Variants in CNTNAP2 observed in about 807,000 individuals in gnomAD.
CNTNAP2 encodes contactin associated protein 2.
CNTNAP2 carries 98 observed loss-of-function variants against 155.2 expected under a neutral mutation model. The ratio of observed to expected loss-of-function variants is 0.63; its 90% CI spans 0.54 to 0.75. CNTNAP2 has a LOEUF of 0.75. CNTNAP2 is among the 30% of genes least tolerant of loss of function. The pLI is 0.00. For missense variants in CNTNAP2, 1,727 were observed against 1,688.1 expected (o/e 1.02, Z -0.40); for synonymous variants, 651 against 631.2 (o/e 1.03, Z -0.47).
intron 8 of CNTNAP2, among the ~76,000 whole-genome samples, chr7:147,189,776 A>G (rs188199073): frequency 0.011 from 1,733 of 151,984 alleles, 16 homozygotes; most frequent in Non-Finnish European, 0.016. Flanking sequence ...ACGGAGTCTC[A>G]CTCTGTCGCC....
At chr7:146,929,464 G>C (rs1796695333) in intron 3 of CNTNAP2, among the ~76,000 whole-genome samples, 1 of 152,090 alleles carries the variant, frequency 6.6e-6, no homozygotes, top group Non-Finnish European at 1.5e-5. Flanking sequence ...AAGACCAAAA[G>C]TAGATAAAAC....
chr7:146,538,387 G>C (rs1049098369), intron 1 of CNTNAP2, among the ~76,000 whole-genome samples: 1 of 152,082 alleles, frequency 6.6e-6, no homozygotes, highest in South Asian at 2.1e-4. Context: ...TGCTTGACTT[G>C]TGCTCATGTT....
At chr7:146,162,315 A>C (rs570068906) in intron 1 of CNTNAP2, among the ~76,000 whole-genome samples, 14 of 152,276 alleles carry the variant, frequency 9.2e-5, no homozygotes, top group East Asian at 7.7e-4. Context: ...TACAAGAAAA[A>C]ATCAAACAAC....
At chr7:146,238,375 T>G (rs1251091538) in intron 1 of CNTNAP2, among the ~76,000 whole-genome samples, 1 of 152,174 alleles carries the variant, frequency 6.6e-6, no homozygotes, top group African/African-American at 2.4e-5. Context: ...ATACCTGTTC[T>G]AATTTGGCAT....
rs56768185 is a variant in CNTNAP2 at position 147,225,742 on chromosome 7, AGAAGGAAGGAAGGAAGGAAGGAAGGAAG to A, written c.1349-74367_1349-74340del. ...CCAAGTACTTTAAGTTAGGAAGGAA[AGAAGGAAGGAAGGAAGGAAGGAAGGAAG>A]GAAGGAAGGAAGGAAGGAAGGAAGG... is the stretch of plus-strand genomic sequence containing the variant. On this transcript the variant is annotated intron_variant, in intron 8 of 23. Coordinates refer to ENST00000361727, the MANE Select transcript of CNTNAP2 (RefSeq NM_014141.6). 6.8e-3 allele frequency among the ~76,000 whole-genome samples: 709 copies of A among 103,872 alleles called. 8 individuals carry two copies. The highest frequency in any genetic ancestry group is 0.023 in the African/African-American group (638 of 28,314). The allele number at this position is 103,872 out of a possible 152,430, so 68.1% of individuals were successfully genotyped here. A position where few individuals can be genotyped will look rare whatever the true frequency, so the allele number is the denominator to read the frequency against.
chr7:147,347,764 T>C (rs1049167366), intron 9 of CNTNAP2, among the ~76,000 whole-genome samples: 2 of 152,036 alleles, frequency 1.3e-5, no homozygotes, highest in South Asian at 2.1e-4. Flanking sequence ...GGCTTTGCGT[T>C]ACCTGACCTC....
chr7:147,977,713 G>T, intron 14 of CNTNAP2, 149 bp from the exon 15 acceptor site: 1 of 1,104,340 alleles, frequency 9.1e-7, no homozygotes, highest in African/African-American at 1.6e-5. Context: ...CTATGGAAGA[G>T]AGAGAACAAC....
Position 147,624,544 on chromosome 7 carries a change from A to T in CNTNAP2, c.1898-14562A>T, listed in dbSNP as rs147907518. On this transcript the variant is annotated intron_variant, in intron 12 of 23. Coordinates refer to ENST00000361727, the MANE Select transcript of CNTNAP2 (RefSeq NM_014141.6). ...CATTGATCATCAGAAAATGCAAATCAAAACAACAATGAAATATCATCTCAC... is the reference window on the plus strand; with the variant it reads ...CATTGATCATCAGAAAATGCAAATCTAAACAACAATGAAATATCATCTCAC... Among the ~76,000 whole-genome samples, 7 of 152,352 alleles carry T rather than the reference A, an allele frequency of 4.6e-5. No homozygotes were observed. The East Asian group carries it at 1.3e-3, about 29-fold the overall frequency.
rs117479623 is a variant in CNTNAP2 at position 146,181,187 on chromosome 7, C to T, written c.97+64214C>T. Reference sequence around the variant, plus strand: ...AACATGATGACTATACCCAACTTTGCCAACATACCCATGATATGCATGATT... The same window carrying T: ...AACATGATGACTATACCCAACTTTGTCAACATACCCATGATATGCATGATT... On this transcript the variant is annotated intron_variant, in intron 1 of 23. Coordinates refer to ENST00000361727, the MANE Select transcript of CNTNAP2 (RefSeq NM_014141.6). 3.5e-3 allele frequency among the ~76,000 whole-genome samples: 526 copies of T among 152,210 alleles called. 3 individuals are homozygous for T. Among genetic ancestry groups the T allele is most frequent in the Middle Eastern group, 0.027 (8 of 292 alleles).
chr7:147,353,651 G>T (rs1214733771), intron 9 of CNTNAP2, among the ~76,000 whole-genome samples: 1 of 152,004 alleles, frequency 6.6e-6, no homozygotes, highest in Non-Finnish European at 1.5e-5. Flanking sequence ...TAATCCTTTG[G>T]GTATATACCC....
intron 8 of CNTNAP2, among the ~76,000 whole-genome samples, chr7:147,171,143 G>T (rs562511558): frequency 3.3e-4 from 50 of 152,262 alleles, no homozygotes; most frequent in Non-Finnish European, 5.7e-4. Flanking sequence ...AAGTCTGCAT[G>T]AGCGTGGGCT....
At chr7:146,151,337 T>G (rs1798034354) in intron 1 of CNTNAP2, among the ~76,000 whole-genome samples, 1 of 151,976 alleles carries the variant, frequency 6.6e-6, no homozygotes, top group Non-Finnish European at 1.5e-5. Context: ...GTACTCGTAC[T>G]TATTCTTCCT....
At chr7:147,039,292 T>G (rs2129253405) in intron 3 of CNTNAP2, among the ~76,000 whole-genome samples, 1 of 152,278 alleles carries the variant, frequency 6.6e-6, no homozygotes, top group East Asian at 1.9e-4. Flanking sequence ...GGGTTTGTTG[T>G]ACAGATTATT....
At chr7:147,881,112 T>C (rs1380449230) in intron 13 of CNTNAP2, among the ~76,000 whole-genome samples, 5 of 152,202 alleles carry the variant, frequency 3.3e-5, no homozygotes, top group African/African-American at 1.2e-4. Flanking sequence ...TCTGATATCC[T>C]GTATTTTTCC....
At chr7:146,821,435 G>C (rs1467096127) in intron 2 of CNTNAP2, among the ~76,000 whole-genome samples, 2 of 152,018 alleles carry the variant, frequency 1.3e-5, no homozygotes, top group South Asian at 4.2e-4. Context: ...GCTTAGTTTG[G>C]CTGGATATGA....
At chr7:146,678,741 C>T (rs1800448195) in intron 1 of CNTNAP2, among the ~76,000 whole-genome samples, 2 of 152,104 alleles carry the variant, frequency 1.3e-5, no homozygotes, top group Admixed American at 1.3e-4. Flanking sequence ...TTAACAATCT[C>T]TCAATTTTCT....
chr7:148,302,137 C>A (rs1289997658), intron 21 of CNTNAP2, among the ~76,000 whole-genome samples: 1 of 152,186 alleles, frequency 6.6e-6, no homozygotes, highest in Non-Finnish European at 1.5e-5. Flanking sequence ...CGAACCTGCC[C>A]TTGTGAAGGC....
chr7:146,321,489 C>A (rs556004497), intron 1 of CNTNAP2, among the ~76,000 whole-genome samples: 1 of 152,202 alleles, frequency 6.6e-6, no homozygotes, highest in South Asian at 2.1e-4. Context: ...GCACCTTCCT[C>A]CACACTGAGA....
intron 8 of CNTNAP2, among the ~76,000 whole-genome samples, chr7:147,214,930 A>G (rs1803233196): frequency 6.6e-6 from 1 of 152,152 alleles, no homozygotes; most frequent in Admixed American, 6.5e-5. Context: ...GGAATCAAGC[A>G]CCTTCCTCAC....
Sources: gnomAD v4.1 joint callset for allele counts (sites outside exome capture counted in the v4.1 genomes callset) on GRCh38, gnomAD v4.1.1 for gene constraint, MANE v1.5 for transcripts, NCBI Gene and HGNC (gene_info 2026-07-23, HGNC 2026-07-21) for gene names.